The following ADAM19 variants were observed in gnomAD, a reference collection of about 807,000 sequenced individuals.
The protein encoded by ADAM19 is ADAM metallopeptidase domain 19.
Under a neutral mutation model 114.7 loss-of-function variants are expected in ADAM19, and 65 were observed. The ratio of observed to expected loss-of-function variants is 0.57; its 90% CI spans 0.46 to 0.70. ADAM19 has a LOEUF of 0.70. Among genes scored for constraint, ADAM19 ranks in the 30% least tolerant of loss-of-function variants. ADAM19 has a pLI of 0.00. For missense variants in ADAM19, 1,063 were observed against 1,204.7 expected, an observed-to-expected ratio of 0.88 and a Z score of 1.74; for synonymous variants, 466 against 460.5, an observed-to-expected ratio of 1.01 and a Z score of -0.15.
chr5:157,561,770 C>G (rs1757515268), intron 3 of ADAM19, among the ~76,000 whole-genome samples: 1 of 152,130 alleles, frequency 6.6e-6, no homozygotes. Flanking sequence ...TCCTCTGTCT[C>G]CTGCACAGCA....
At chr5:157,538,447 A>G (rs1335839971) in intron 3 of ADAM19, among the ~76,000 whole-genome samples, 1 of 152,230 alleles carries the variant, frequency 6.6e-6, no homozygotes, top group African/African-American at 2.4e-5. Context: ...GAGATTGTCA[A>G]TCAAGGTGTC....
intron 22 of ADAM19, chr5:157,481,551 T>C (rs2113681091): frequency 1.4e-6 from 2 of 1,445,368 alleles, no homozygotes; most frequent in East Asian, 2.5e-5. Context: ...CCAGGTCAGG[T>C]GCAGGGGCAG....
chr5:157,511,796 C>A lies in ADAM19; in HGVS notation c.738+1638G>T, dbSNP rs1464258558. Among the ~76,000 whole-genome samples the A allele has an allele frequency of 7.4e-4, 113 of 152,220 alleles. 1 individual carries two copies. Among genetic ancestry groups the A allele is most frequent in the Non-Finnish European group, 1.6e-4 (11 of 68,042 alleles). ...AGAGAAGTGGGCGTGGCTTCCCTTA[C>A]CCGCCAGGAGTGACTAACACCAGCC... On this transcript the variant is annotated intron_variant, in intron 8 of 22. Transcript: ENST00000257527.
At chr5:157,488,599 AT>A in intron 20 of ADAM19, 110 bp from the exon 21 acceptor site, 1 of 845,798 alleles carries the variant, frequency 1.2e-6, no homozygotes. Context: ...ACACCAATCT[AT>A]TAAACCCCTG....
chr5:157,486,569 C>T (rs143308971), intron 21 of ADAM19, among the ~76,000 whole-genome samples: 12 of 152,238 alleles, frequency 7.9e-5, no homozygotes, highest in East Asian at 5.8e-4. Flanking sequence ...TCCTGACCTA[C>T]GGCTCAGCAC....
chr5:157,575,593 G>T lies in ADAM19; in HGVS notation c.94+10C>A. ...ACCCAGCCTCCATCCCCCCGCGCCT[G>T]GCCACTTACTTGTCCATCCAGGCTC... is the stretch of plus-strand genomic sequence containing the variant. On this transcript the variant is annotated intron_variant, in intron 1 of 22. Transcript: ENST00000257527. 6.8e-7 allele frequency: 1 copy of T among 1,461,112 alleles called. No homozygotes were observed. The highest frequency in any genetic ancestry group is 1.3e-5 in the South Asian group (1 of 76,388). The allele number at this position is 1,461,112 out of a possible 1,614,324, so 90.5% of individuals were successfully genotyped here. A position where few individuals can be genotyped will look rare whatever the true frequency, so the allele number is the denominator to read the frequency against.
At chr5:157,552,443 G>A (rs1757226400) in intron 3 of ADAM19, among the ~76,000 whole-genome samples, 2 of 151,914 alleles carry the variant, frequency 1.3e-5, no homozygotes, top group Admixed American at 1.3e-4. Context: ...CCTGAGCTTA[G>A]GAGTTCAAGC....
At chr5:157,569,416 C>CTTTTTTTTTTTTT in intron 2 of ADAM19, among the ~76,000 whole-genome samples, 1 of 97,872 alleles carries the variant, frequency 1.0e-5, no homozygotes, top group Non-Finnish European at 2.0e-5. Context: ...AGCTAATTTT[C>CTTTTTTTTTTTTT]TTTTTTTTTT....
At chr5:157,561,471 C>A (rs192754344) in intron 3 of ADAM19, among the ~76,000 whole-genome samples, 4 of 152,304 alleles carry the variant, frequency 2.6e-5, no homozygotes, top group East Asian at 1.9e-4. Flanking sequence ...CTCCCTCCCC[C>A]CAGAGTCCCA....
At chr5:157,565,960 T>C (rs1173008861) in intron 2 of ADAM19, 1 of 151,302 alleles carries the variant, frequency 6.6e-6, no homozygotes, top group African/African-American at 2.4e-5. Flanking sequence ...AATATAAAAA[T>C]TAGCTGGGCG....
rs774391030 is a variant in ADAM19 at position 157,496,974 on chromosome 5, G to T, written c.1514C>A (p.Pro505His). The T allele has an allele frequency of 2.5e-5, 40 of 1,598,412 alleles. No individual in the cohort carries two copies. The highest frequency in any genetic ancestry group is 1.0e-4 in the South Asian group (9 of 88,668). Residue 505 changes from proline to histidine, a missense_variant, in exon 14 of 23, where the codon CCC becomes CAC. Physicochemically the swap from Pro to His is moderately conservative, Grantham distance 77 (BLOSUM62 -2). Around this residue, in one of 3 missense-constraint regions of ADAM19, gnomAD observed 615 missense variants for 706.3 expected, o/e 0.87. Transcript: ENST00000257527. ...PTNFYQMDGT[P>H]CEGGQAYCYN... is the part of the protein sequence containing the mutation. ...GCAGTAGGCCTGGCCGCCCTCACAG[G>T]GGGTACCATCCATCTGGTAGAAGTT...
chr5:157,556,781 A>G (rs1443187419), intron 3 of ADAM19, among the ~76,000 whole-genome samples: 1 of 152,228 alleles, frequency 6.6e-6, no homozygotes, highest in African/African-American at 2.4e-5. Context: ...TGCAGACAAC[A>G]ATATCTCATT....
intron 4 of ADAM19, among the ~76,000 whole-genome samples, chr5:157,534,830 T>C (rs1367022349): frequency 1.3e-5 from 2 of 152,188 alleles, no homozygotes; most frequent in Admixed American, 6.5e-5. Flanking sequence ...CACAGCAAAG[T>C]GGATACTGGA....
chr5:157,554,245 G>C (rs530323873), intron 3 of ADAM19, among the ~76,000 whole-genome samples: 1 of 152,306 alleles, frequency 6.6e-6, no homozygotes, highest in East Asian at 1.9e-4. Context: ...GCTTCCCTTA[G>C]TTCGGATAAG....
chr5:157,540,837 C>G (rs1756897844), intron 3 of ADAM19, among the ~76,000 whole-genome samples: 1 of 152,196 alleles, frequency 6.6e-6, no homozygotes, highest in Non-Finnish European at 1.5e-5. Flanking sequence ...AACTACACCT[C>G]TGTCACTGGC....
At chr5:157,567,295 T>C (rs953796429) in intron 2 of ADAM19, among the ~76,000 whole-genome samples, 4 of 152,226 alleles carry the variant, frequency 2.6e-5, no homozygotes, top group African/African-American at 9.6e-5. Flanking sequence ...AGAAGGAACA[T>C]TTCAAACCCA....
intron 15 of ADAM19, 151 bp downstream of exon 15, chr5:157,494,536 C>A: frequency 8.5e-6 from 5 of 588,286 alleles, no homozygotes; most frequent in Non-Finnish European, 1.5e-5. Context: ...CATTGTCAAA[C>A]AGGGGGCCGA....
intron 3 of ADAM19, among the ~76,000 whole-genome samples, chr5:157,542,328 A>G (rs915800614): frequency 6.6e-6 from 1 of 152,026 alleles, no homozygotes; most frequent in African/African-American, 2.4e-5. Flanking sequence ...GAGCAATTTT[A>G]ACATTTTTAA....
chr5:157,499,810 TCTGTCAC>T (rs1755500377), intron 12 of ADAM19, 148 bp from the exon 13 acceptor site: 1 of 606,322 alleles, frequency 1.6e-6, no homozygotes, highest in South Asian at 2.0e-5. Flanking sequence ...GGAGTCTCGA[TCTGTCAC>T]CCAGGCTGGA....
Sources: gnomAD v4.1 joint callset for allele counts (sites outside exome capture counted in the v4.1 genomes callset) on GRCh38, gnomAD v4.1.1 for gene constraint, gnomAD v4.1.1 regional missense constraint, MANE v1.5 for transcripts, NCBI Gene and HGNC (gene_info 2026-07-23, HGNC 2026-07-21) for gene names.